Variants in BAHD1 observed in about 807,000 individuals in gnomAD.
The protein encoded by BAHD1 is bromo adjacent homology domain-containing 1 protein.
Under a neutral mutation model 63.1 loss-of-function variants are expected in BAHD1, and 20 were observed. That is an observed-to-expected ratio of 0.32 (90% confidence interval 0.22 to 0.46). The LOEUF is 0.46. Among genes scored for constraint, BAHD1 ranks in the 20% least tolerant of loss-of-function variants. The probability of loss-of-function intolerance (pLI) is 1.00; values close to 1 mark genes in which losing one functional copy is unlikely to be tolerated. For synonymous variants in BAHD1, 408 were observed against 426.8 expected, an observed-to-expected ratio of 0.96 and a Z score of 0.54; for missense variants, 939 against 1,071.8, an observed-to-expected ratio of 0.88 and a Z score of 1.73.
At chr15:40,448,687 C>G (rs953429699) in intron 1 of BAHD1, among the ~76,000 whole-genome samples, 2 of 152,212 alleles carry the variant, frequency 1.3e-5, no homozygotes, top group African/African-American at 4.8e-5. Context: ...CAGGCACACA[C>G]CACCATGCCC....
intron 1 of BAHD1, among the ~76,000 whole-genome samples, chr15:40,444,111 G>T (rs2141467770): frequency 6.7e-6 from 1 of 150,256 alleles, no homozygotes; most frequent in Middle Eastern, 3.4e-3. Context: ...TTAAACCTCT[G>T]TGTGTGTGTG....
chr15:40,438,470 C>T (rs1893321500), upstream of BAHD1, among the ~76,000 whole-genome samples: 1 of 152,138 alleles, frequency 6.6e-6, no homozygotes. Context: ...AGCCCGTGTC[C>T]CCGCACCATA....
chr15:40,459,756 C>T lies in BAHD1; in HGVS notation c.1292C>T (p.Pro431Leu). The part of the protein sequence containing the change: ...SVPSGTPFQH[P>L]PWGSSRYCSS... ...CCCTCAGGCACCCCTTTCCAGCACC[C>T]TCCCTGGGGCTCCTCTCGCTACTGC... Residue 431 changes from proline to leucine, a missense_variant, in exon 2 of 7, where the codon CCT becomes CTT. By Grantham distance (98) the Pro-to-Leu change is moderately conservative. Transcript: ENST00000416165. 3.7e-6 allele frequency: 6 copies of T among 1,613,994 alleles called. No homozygotes were observed. Among genetic ancestry groups the T allele is most frequent in the Non-Finnish European group, 5.1e-6 (6 of 1,180,028 alleles).
At chr15:40,440,467 T>G (rs561263740), upstream of BAHD1, among the ~76,000 whole-genome samples, 243 of 147,878 alleles carry the variant, frequency 1.6e-3, 1 homozygote, top group African/African-American at 5.8e-3. Context: ...CCGGCGAGGA[T>G]GGGGTGTTCC....
intron 1 of BAHD1, among the ~76,000 whole-genome samples, chr15:40,445,363 A>G (rs1350159955): frequency 6.6e-6 from 1 of 152,066 alleles, no homozygotes; most frequent in African/African-American, 2.4e-5. Context: ...CCTGGAAGGA[A>G]TTCAGCCTCC....
Position 40,458,892 on chromosome 15 carries a change from C to T in BAHD1, c.428C>T (p.Thr143Ile), listed in dbSNP as rs372137772. ...EREDTSSLAGTRRSRAGDPHR... is the reference protein window; with the variant it reads ...EREDTSSLAGIRRSRAGDPHR... ...GAGGACACCAGCAGCCTGGCAGGCA[C>T]CCGCCGCAGTCGAGCAGGGGATCCC... Residue 143 changes from threonine to isoleucine, a missense_variant, in exon 2 of 7, where the codon ACC (threonine) becomes ATC (isoleucine). This residue lies in a region of BAHD1 where 797 missense variants were observed against 813.3 expected (regional missense o/e 0.98). Coordinates refer to ENST00000416165, the MANE Select transcript of BAHD1 (RefSeq NM_014952.5). The surrounding 1 kb of genome is among the most constrained non-coding windows in gnomAD (Gnocchi z 4.7). The T allele has an allele frequency of 3.7e-5, 59 of 1,595,792 alleles. No individual in the cohort carries two copies. The highest frequency in any genetic ancestry group is 4.7e-5 in the Non-Finnish European group (55 of 1,169,642).
At chr15:40,457,736 G>T (rs1893889720) in intron 1 of BAHD1, among the ~76,000 whole-genome samples, 1 of 152,256 alleles carries the variant, frequency 6.6e-6, no homozygotes, top group African/African-American at 2.4e-5. Flanking sequence ...CTGGCCGGGG[G>T]CAGTGGCTCA....
chr15:40,442,856 A>T (rs1452686471), intron 1 of BAHD1, among the ~76,000 whole-genome samples: 1 of 152,220 alleles, frequency 6.6e-6, no homozygotes, highest in African/African-American at 2.4e-5. Flanking sequence ...CCACAAAAAA[A>T]AAGAAAAAGG....
intron 1 of BAHD1, among the ~76,000 whole-genome samples, chr15:40,445,529 G>T (rs1279217461): frequency 2.6e-5 from 4 of 152,148 alleles, no homozygotes; most frequent in Non-Finnish European, 5.9e-5. Flanking sequence ...TCTGGCCTCA[G>T]CACCCTGTCG....
intron 1 of BAHD1, among the ~76,000 whole-genome samples, chr15:40,451,804 G>A (rs1395492398): frequency 1.3e-5 from 2 of 152,252 alleles, no homozygotes; most frequent in Non-Finnish European, 2.9e-5. Context: ...GTGGATGCAG[G>A]TCTACCTTAT....
intron 1 of BAHD1, among the ~76,000 whole-genome samples, chr15:40,451,808 A>T (rs1467351691): frequency 1.3e-5 from 2 of 152,236 alleles, no homozygotes; most frequent in Non-Finnish European, 2.9e-5. Context: ...ATGCAGGTCT[A>T]CCTTATGCAC....
upstream of BAHD1, among the ~76,000 whole-genome samples, chr15:40,440,772 G>A (rs1199446804): frequency 6.6e-6 from 1 of 152,084 alleles, no homozygotes; most frequent in Non-Finnish European, 1.5e-5. Flanking sequence ...CCCCTGCGTT[G>A]GGACGACCGA....
chr15:40,451,861 G>A (rs1232311056), intron 1 of BAHD1, among the ~76,000 whole-genome samples: 5 of 152,240 alleles, frequency 3.3e-5, no homozygotes, highest in Non-Finnish European at 5.9e-5. Context: ...AAGGCACGTT[G>A]CCTAAAGTAG....
chr15:40,444,497 CTTG>C (rs747380741), intron 1 of BAHD1, among the ~76,000 whole-genome samples: 8 of 152,178 alleles, frequency 5.3e-5, no homozygotes, highest in South Asian at 2.1e-4. Context: ...TGCAGTTTTC[CTTG>C]TTGTTCATGC....
chr15:40,438,191 A>T, upstream of BAHD1, among the ~76,000 whole-genome samples: 1 of 120,244 alleles, frequency 8.3e-6, no homozygotes, highest in East Asian at 5.3e-4. Flanking sequence ...CACTCAGGAA[A>T]GGTTACAGGA....
intron 3 of BAHD1, 112 bp from the exon 4 acceptor site, chr15:40,463,749 G>T: frequency 5.8e-6 from 7 of 1,200,028 alleles, no homozygotes; most frequent in African/African-American, 1.5e-5. Flanking sequence ...CAAAACCAAG[G>T]TAGTGGTTTG....
Position 40,458,667 on chromosome 15 carries a change from A to C in BAHD1, c.203A>C (p.Lys68Thr). 1 of 1,613,848 alleles carries C rather than the reference A, an allele frequency of 6.2e-7. No homozygotes were observed. The highest frequency in any genetic ancestry group is 8.5e-7 in the Non-Finnish European group (1 of 1,179,932). Residue 68 changes from lysine (K) to threonine (T), a missense_variant, in exon 2 of 7, where the codon AAG (lysine) becomes ACG (threonine). Physicochemically the swap from Lys to Thr is moderately conservative, Grantham distance 78. Around this residue, in one of 5 missense-constraint regions of BAHD1, gnomAD observed 797 missense variants for 813.3 expected, o/e 0.98. Coordinates refer to ENST00000416165, the MANE Select transcript of BAHD1 (RefSeq NM_014952.5). This position sits in a 1 kb window ranked among gnomAD's most constrained non-coding sequence, Gnocchi z 4.7. The stretch of plus-strand genomic sequence containing the variant: ...CGCCCATTGGTTCCTGAGAAGCCCA[A>C]GGCCTGCAAAGTGCTGCTGACTCGC... ...RKRPLVPEKP[K>T]ACKVLLTRLE...
In BAHD1 at chr15:40,458,631, C is replaced by A. The variant is rs1320100664; in HGVS notation, c.167C>A (p.Pro56Gln). 3 of 1,613,956 alleles carry A rather than the reference C, an allele frequency of 1.9e-6. No individual in the cohort carries two copies. The highest frequency in any genetic ancestry group is 2.5e-6 in the Non-Finnish European group (3 of 1,179,962). The change falls in exon 2 of 7, where the codon CCA (proline) becomes CAA (glutamine). Residue 56 changes from proline to glutamine, a missense_variant. Around this residue, in one of 5 missense-constraint regions of BAHD1, gnomAD observed 797 missense variants for 813.3 expected, o/e 0.98. Transcript: ENST00000416165. The surrounding 1 kb of genome is among the most constrained non-coding windows in gnomAD (Gnocchi z 4.7). ...CTCACAGGGCGCCGCAAGAATTACC[C>A]ACTTCGTAAGCGCCCATTGGTTCCT... ...GHLTGRRKNYPLRKRPLVPEK... is the reference protein window; with the variant it reads ...GHLTGRRKNYQLRKRPLVPEK...
rs954661448 is a variant in BAHD1 at position 40,458,695 on chromosome 15, G to A, written c.231G>A (p.Leu77=). ...CCTGCAAAGTGCTGCTGACTCGCCT[G>A]GAGAATGTGGCCGGTCCCCGGAGTG... ...PKACKVLLTR[L]ENVAGPRSAD... Residue 77 remains leucine, a synonymous_variant, in exon 2 of 7, where the codon CTG becomes CTA. Transcript: ENST00000416165. The surrounding 1 kb of genome is among the most constrained non-coding windows in gnomAD (Gnocchi z 4.7). The A allele has an allele frequency of 1.9e-5, 31 of 1,613,772 alleles. No homozygotes were observed. The highest frequency in any genetic ancestry group is 2.6e-5 in the Non-Finnish European group (31 of 1,180,044).
Sources: allele counts gnomAD v4.1 joint callset (sites outside exome capture counted in the v4.1 genomes callset), GRCh38; gene constraint gnomAD v4.1.1; regional missense constraint gnomAD v4.1.1; non-coding constraint Gnocchi (gnomAD v3.1); transcripts MANE v1.5; gene names NCBI Gene and HGNC (gene_info 2026-07-23, HGNC 2026-07-21).